Variants in VEGFC observed in about 807,000 individuals in gnomAD.
VEGFC encodes FLT4 ligand DHM.
Under a neutral mutation model 46.1 loss-of-function variants are expected in VEGFC, and 12 were observed. The ratio of observed to expected loss-of-function variants is 0.26; its 90% CI spans 0.17 to 0.42. VEGFC has a LOEUF of 0.42. Among genes scored for constraint, VEGFC ranks in the 10% least tolerant of loss-of-function variants. VEGFC has a pLI of 1.00. For missense variants in VEGFC, 488 were observed against 529.4 expected (o/e 0.92, Z 0.77); for synonymous variants, 232 against 195.5 (o/e 1.19, Z -1.56).
intron 1 of VEGFC, among the ~76,000 whole-genome samples, chr4:176,738,866 A>AT (rs1230338233): frequency 6.6e-6 from 1 of 151,954 alleles, no homozygotes; most frequent in Admixed American, 6.6e-5. Flanking sequence ...AAAAAATCCC[A>AT]TTAAAAAGTG....
chr4:176,752,121 A>T lies in VEGFC; in HGVS notation c.148-22375T>A, dbSNP rs866069771. 2.6e-5 allele frequency among the ~76,000 whole-genome samples: 4 copies of T among 152,108 alleles called. No homozygotes were observed. In the South Asian group the frequency reaches 8.3e-4, roughly 32 times the overall value. ...TTTAATTTTCCATGAAATTGCGTTA[A>T]AATTTTTGAGCTGTATCTTTTCTGT... On this transcript the variant is annotated intron_variant, in intron 1 of 6. Coordinates refer to ENST00000618562, the MANE Select transcript of VEGFC (RefSeq NM_005429.5).
intron 1 of VEGFC, among the ~76,000 whole-genome samples, chr4:176,749,878 T>C (rs1290995552): frequency 3.3e-5 from 5 of 151,760 alleles, no homozygotes; most frequent in African/African-American, 1.2e-4. Flanking sequence ...TACTTAACTG[T>C]CCCACCATGT....
intron 1 of VEGFC, among the ~76,000 whole-genome samples, chr4:176,737,931 T>C (rs139635024): frequency 1.3e-5 from 2 of 151,946 alleles, no homozygotes; most frequent in East Asian, 1.9e-4. Context: ...GTGATGGTGA[T>C]AATAATTTAA....
chr4:176,733,212 C>G (rs1734996907), intron 1 of VEGFC, among the ~76,000 whole-genome samples: 1 of 151,892 alleles, frequency 6.6e-6, no homozygotes, highest in South Asian at 2.1e-4. Flanking sequence ...TGGGCAGTTT[C>G]TCACAAAGTT....
At chr4:176,703,433 G>A (rs746767002) in intron 4 of VEGFC, among the ~76,000 whole-genome samples, 25 of 151,966 alleles carry the variant, frequency 1.6e-4, no homozygotes, top group Non-Finnish European at 3.2e-4. Context: ...TGAATCTCAC[G>A]GAAGTAGAGA....
At chr4:176,692,318 C>T (rs1308926919) in intron 4 of VEGFC, among the ~76,000 whole-genome samples, 3 of 133,494 alleles carry the variant, frequency 2.2e-5, no homozygotes, top group East Asian at 2.0e-4. Flanking sequence ...GGCGTGAACC[C>T]GGCAGGCGGA....
At chr4:176,716,584 G>GAAAAAAAA (rs57274087) in intron 3 of VEGFC, among the ~76,000 whole-genome samples, 66 of 43,722 alleles carry the variant, frequency 1.5e-3, no homozygotes, top group African/African-American at 5.4e-3. Flanking sequence ...CTCCCTCTCC[G>GAAAAAAAA]AAAAAAAAAA....
At chr4:176,705,389 T>C (rs1260239226) in intron 4 of VEGFC, among the ~76,000 whole-genome samples, 6 of 152,180 alleles carry the variant, frequency 3.9e-5, no homozygotes, top group Admixed American at 3.3e-4. Flanking sequence ...TGAAAATTGG[T>C]ATCTAACTCT....
chr4:176,711,674 G>GA (rs753912137), intron 3 of VEGFC, 24 bp from the exon 4 acceptor site: 1 of 1,608,080 alleles, frequency 6.2e-7, no homozygotes, highest in Non-Finnish European at 8.5e-7. Context: ...ACAAAAAGAA[G>GA]AAAAAATTAT....
intron 1 of VEGFC, among the ~76,000 whole-genome samples, chr4:176,785,474 C>T (rs563068771): frequency 6.6e-6 from 1 of 152,044 alleles, no homozygotes; most frequent in Non-Finnish European, 1.5e-5. Flanking sequence ...AATTATTCCA[C>T]CATATTTAAA....
intron 4 of VEGFC, among the ~76,000 whole-genome samples, chr4:176,705,035 G>A (rs1323949961): frequency 3.9e-5 from 6 of 152,116 alleles, no homozygotes; most frequent in Non-Finnish European, 5.9e-5. Flanking sequence ...AGTGAATGAA[G>A]TACAGCATAG....
intron 2 of VEGFC, 70 bp from the exon 3 acceptor site, chr4:176,728,038 CA>C: frequency 7.9e-7 from 1 of 1,268,264 alleles, no homozygotes; most frequent in Non-Finnish European, 1.1e-6. Context: ...ACAGCAGCTG[CA>C]AATCACTCAC....
chr4:176,731,330 T>C (rs771476843), intron 1 of VEGFC, among the ~76,000 whole-genome samples: 32 of 152,208 alleles, frequency 2.1e-4, no homozygotes, highest in Non-Finnish European at 4.0e-4. Flanking sequence ...GGAAAATTTA[T>C]AAAAGTGATT....
At chr4:176,693,746 A>G (rs1734254618) in intron 4 of VEGFC, among the ~76,000 whole-genome samples, 1 of 137,052 alleles carries the variant, frequency 7.3e-6, no homozygotes, top group Non-Finnish European at 1.5e-5. Context: ...GGTTACCCTC[A>G]AAGGGAAGCC....
intron 1 of VEGFC, among the ~76,000 whole-genome samples, chr4:176,752,835 G>C (rs1260307033): frequency 6.6e-6 from 1 of 151,958 alleles, no homozygotes; most frequent in Non-Finnish European, 1.5e-5. Context: ...TAGGACACTT[G>C]GTAGCAAGAT....
intron 1 of VEGFC, among the ~76,000 whole-genome samples, chr4:176,776,492 G>A (rs895895054): frequency 1.3e-5 from 2 of 152,194 alleles, no homozygotes; most frequent in Non-Finnish European, 2.9e-5. Context: ...AAAATAAAAA[G>A]GAGCCAATGA....
chr4:176,695,406 A>T (rs1734291476), intron 4 of VEGFC, among the ~76,000 whole-genome samples: 1 of 151,910 alleles, frequency 6.6e-6, no homozygotes, highest in African/African-American at 2.4e-5. Flanking sequence ...CTCGACACAT[A>T]CACTCTCCCA....
At chr4:176,748,247 AAT>A (rs759993582) in intron 1 of VEGFC, among the ~76,000 whole-genome samples, 2 of 152,090 alleles carry the variant, frequency 1.3e-5, no homozygotes, top group Non-Finnish European at 2.9e-5. Context: ...ACTTTACCAT[AAT>A]AAACAACAAA....
chr4:176,732,667 A>G (rs1257079751), intron 1 of VEGFC, among the ~76,000 whole-genome samples: 2 of 151,794 alleles, frequency 1.3e-5, no homozygotes, highest in Non-Finnish European at 2.9e-5. Context: ...AGCTATTCAG[A>G]AGATAACATA....
Sources: gnomAD v4.1 joint callset for allele counts (sites outside exome capture counted in the v4.1 genomes callset) on GRCh38, gnomAD v4.1.1 for gene constraint, MANE v1.5 for transcripts, NCBI Gene and HGNC (gene_info 2026-07-23, HGNC 2026-07-21) for gene names.